PRKG1: variants seen among roughly 807,000 people sequenced by gnomAD.
PRKG1 encodes the protein cGMP-dependent protein kinase 1.
Under a neutral mutation model 88.1 loss-of-function variants are expected in PRKG1, and 35 were observed. The observed-to-expected ratio is 0.40, with a 90% confidence interval of 0.30 to 0.53. PRKG1 has a LOEUF of 0.53. PRKG1 is among the 20% of genes least tolerant of loss of function. PRKG1 has a pLI of 0.59. For missense variants in PRKG1, 540 were observed against 839.8 expected (o/e 0.64, Z 4.41); for synonymous variants, 303 against 292.5 (o/e 1.04, Z -0.37).
intron 9 of PRKG1, among the ~76,000 whole-genome samples, chr10:52,191,528 T>G (rs1472808813): frequency 1.3e-5 from 2 of 152,190 alleles, no homozygotes; most frequent in Non-Finnish European, 2.9e-5. Context: ...CAGATTATCC[T>G]ATTGCTTTTT....
chr10:51,304,871 G>C (rs1840995120), intron 2 of PRKG1, among the ~76,000 whole-genome samples: 1 of 151,980 alleles, frequency 6.6e-6, no homozygotes, highest in South Asian at 2.1e-4. Context: ...ATATCTTACA[G>C]ATGAAGAAAT....
chr10:52,279,859 C>T (rs1841961347), intron 12 of PRKG1, among the ~76,000 whole-genome samples: 1 of 150,324 alleles, frequency 6.7e-6, no homozygotes, highest in Non-Finnish European at 1.5e-5. Context: ...GTGCTTACTA[C>T]TCGGGAAAGA....
In PRKG1 at chr10:51,106,677, T is replaced by A. The variant is rs1035923643; in HGVS notation, c.311+31776T>A. On this transcript the variant is annotated intron_variant, in intron 1 of 17. Transcript: ENST00000373980. The stretch of plus-strand genomic sequence containing the variant: ...TCCCCAGATTGAAGGCCTTTTTACC[T>A]CTGGAAGACTTGTAAAATGAAGCCA... Among the ~76,000 whole-genome samples, 3 of 152,160 alleles carry A rather than the reference T, an allele frequency of 2.0e-5. No individual in the cohort carries two copies. In the South Asian group the frequency reaches 6.2e-4, roughly 31 times the overall value.
At chr10:52,160,979 T>C (rs528403059) in intron 8 of PRKG1, among the ~76,000 whole-genome samples, 2 of 152,156 alleles carry the variant, frequency 1.3e-5, no homozygotes, top group Non-Finnish European at 2.9e-5. Context: ...ACCATGTAAG[T>C]GAGGATCTGA....
intron 8 of PRKG1, among the ~76,000 whole-genome samples, chr10:52,160,878 A>C (rs1838259692): frequency 6.6e-6 from 1 of 152,042 alleles, no homozygotes; most frequent in Admixed American, 6.6e-5. Context: ...AAAATAAAAG[A>C]ATTAACTTTT....
chr10:52,210,331 T>C (rs1444382822), intron 9 of PRKG1, among the ~76,000 whole-genome samples: 1 of 151,886 alleles, frequency 6.6e-6, no homozygotes, highest in Non-Finnish European at 1.5e-5. Flanking sequence ...TAGTTTCTCA[T>C]GCACTCCAAC....
intron 7 of PRKG1, among the ~76,000 whole-genome samples, chr10:52,090,664 T>C (rs560763399): frequency 4.4e-4 from 67 of 152,312 alleles, no homozygotes; most frequent in African/African-American, 1.5e-3. Flanking sequence ...TTAATTACCA[T>C]AGTCCTTCTA....
At chr10:51,475,049 C>G (rs1840153569) in intron 3 of PRKG1, among the ~76,000 whole-genome samples, 1 of 151,924 alleles carries the variant, frequency 6.6e-6, no homozygotes, top group Non-Finnish European at 1.5e-5. Context: ...AAAATGCAGG[C>G]CAGGATCATG....
chr10:51,405,422 T>C (rs547185659), intron 2 of PRKG1, among the ~76,000 whole-genome samples: 1 of 152,278 alleles, frequency 6.6e-6, no homozygotes, highest in African/African-American at 2.4e-5. Flanking sequence ...CAAATACCAC[T>C]AGTCAAATAA....
chr10:51,731,417 CT>C lies in PRKG1; in HGVS notation c.593-73166del, dbSNP rs201265139. ...TCTGTATTTTTAATATTCCCCCACC[CT>C]TGGTATTTCTGCTGCAATTTGTCTT... On this transcript the variant is annotated intron_variant, in intron 3 of 17. Transcript: ENST00000373980. 4.4e-3 allele frequency among the ~76,000 whole-genome samples: 673 copies of C among 152,180 alleles called. 2 individuals carry two copies. The highest frequency in any genetic ancestry group is 0.016 in the African/African-American group (652 of 41,530).
chr10:51,741,046 T>C (rs12246322), intron 3 of PRKG1, among the ~76,000 whole-genome samples: 11,592 of 151,986 alleles, frequency 0.076, 483 homozygotes, highest in East Asian at 0.09. Flanking sequence ...GACACCATCA[T>C]ACAATGCTAA....
chr10:51,907,699 G>T, intron 5 of PRKG1, 129 bp downstream of exon 5: 1 of 734,598 alleles, frequency 1.4e-6, no homozygotes, highest in Non-Finnish European at 2.2e-6. Flanking sequence ...TCTGGGATGA[G>T]CTATATATTT....
chr10:51,261,556 G>C (rs1268791544), intron 2 of PRKG1, among the ~76,000 whole-genome samples: 1 of 152,156 alleles, frequency 6.6e-6, no homozygotes, highest in African/African-American at 2.4e-5. Context: ...TCTATTTTCA[G>C]TCTTGTCTAG....
intron 1 of PRKG1, among the ~76,000 whole-genome samples, chr10:51,004,702 A>G (rs1842923443): frequency 6.6e-6 from 1 of 151,940 alleles, no homozygotes; most frequent in Non-Finnish European, 1.5e-5. Flanking sequence ...CATATTGTGC[A>G]CTTGGTTTGA....
intron 2 of PRKG1, among the ~76,000 whole-genome samples, chr10:51,301,240 C>T (rs1214915161): frequency 6.6e-6 from 1 of 152,054 alleles, no homozygotes; most frequent in Non-Finnish European, 1.5e-5. Context: ...TTTTACTGAC[C>T]CTTCCTTAAT....
intron 1 of PRKG1, among the ~76,000 whole-genome samples, chr10:51,052,187 T>C (rs1306630274): frequency 1.3e-5 from 2 of 152,236 alleles, no homozygotes; most frequent in Non-Finnish European, 2.9e-5. Context: ...TTACCAGAGT[T>C]CAAATTCCAA....
Position 51,015,529 on chromosome 10 carries a change from A to G in PRKG1, c.266+23885A>G, listed in dbSNP as rs143574381. On this transcript the variant is annotated intron_variant, in intron 1 of 17. Coordinates refer to the PRKG1 transcript ENST00000401604. The stretch of plus-strand genomic sequence containing the variant: ...TCAGTATCTACAACAGTTCAGGCAC[A>G]TTGTGTTAAGTTGCATAGAAACAGA... 3.8e-4 allele frequency among the ~76,000 whole-genome samples: 58 copies of G among 152,360 alleles called. 1 individual carries two copies. The highest frequency in any genetic ancestry group is 7.1e-4 in the Non-Finnish European group (48 of 68,036).
At chr10:52,101,415 G>A (rs1847290861) in intron 7 of PRKG1, among the ~76,000 whole-genome samples, 1 of 152,060 alleles carries the variant, frequency 6.6e-6, no homozygotes, top group Admixed American at 6.6e-5. Context: ...TGTAGAGGCA[G>A]GTCATTAGAA....
At chr10:51,397,948 C>T (rs1392393027) in intron 2 of PRKG1, among the ~76,000 whole-genome samples, 1 of 152,178 alleles carries the variant, frequency 6.6e-6, no homozygotes, top group Non-Finnish European at 1.5e-5. Context: ...GGCTTCTGTG[C>T]CTTCTATTGG....
Sources: gnomAD v4.1 joint callset for allele counts (sites outside exome capture counted in the v4.1 genomes callset) on GRCh38, gnomAD v4.1.1 for gene constraint, MANE v1.5 for transcripts, NCBI Gene and HGNC (gene_info 2026-07-23, HGNC 2026-07-21) for gene names.